Variants in KCTD19 observed in about 807,000 individuals in gnomAD.
The protein encoded by KCTD19 is potassium channel tetramerization domain containing 19.
In KCTD19, 67 loss-of-function variants were observed where a neutral mutation model predicts 103.5. That is an observed-to-expected ratio of 0.65 (90% CI 0.53 to 0.79). The LOEUF is 0.79. Ranked by LOEUF, KCTD19 falls within the 30% of genes least tolerant of loss-of-function variation. The probability of loss-of-function intolerance (pLI) is 0.00; values close to 1 mark genes in which losing one functional copy is unlikely to be tolerated. For missense variants in KCTD19, 980 were observed against 1,136.1 expected (o/e 0.86, Z 1.98); for synonymous variants, 439 against 452.2 (o/e 0.97, Z 0.37).
At chr16:67,305,585 C>G (rs2036883433) in intron 2 of KCTD19, 2 of 455,626 alleles carry the variant, frequency 4.4e-6, no homozygotes, top group Admixed American at 2.4e-5. Flanking sequence ...CCGCCCTTAC[C>G]CAGGGACCCA....
At position 67,320,890 on chromosome 16, in the gene KCTD19, AGGGGG is replaced by A. The variant is rs1442128358; in HGVS notation, c.4-10_4-6del. The stretch of plus-strand genomic sequence containing the variant: ...ATGAGCCATGCCAGACTCCTCCTAA[AGGGGG>A]AATGAAAAAGAGATCTACGCAAGAA... On this transcript the variant is annotated splice_region_variant and splice_polypyrimidine_tract_variant and intron_variant, in intron 1 of 15. Coordinates refer to ENST00000304372, the MANE Select transcript of KCTD19 (RefSeq NM_001100915.3). The surrounding 1 kb of genome is among the most constrained non-coding windows in gnomAD (Gnocchi z 4.0). 2 of 1,594,332 alleles carry A rather than the reference AGGGGG, an allele frequency of 1.3e-6. No homozygotes were observed. Among genetic ancestry groups the A allele is most frequent in the Admixed American group, 1.8e-5 (1 of 55,294 alleles).
intron 2 of KCTD19, among the ~76,000 whole-genome samples, chr16:67,314,549 C>A (rs1159988367): frequency 6.6e-6 from 1 of 151,810 alleles, no homozygotes; most frequent in Admixed American, 6.6e-5. Context: ...TAAATAGAAT[C>A]ATACAATATA....
chr16:67,304,962 C>G (rs1038913480), intron 2 of KCTD19, among the ~76,000 whole-genome samples: 1 of 152,116 alleles, frequency 6.6e-6, no homozygotes, highest in Non-Finnish European at 1.5e-5. Context: ...ACCACCGCGC[C>G]CAGCGACTTA....
At chr16:67,295,645 C>T (rs567811945) in intron 8 of KCTD19, 51 of 416,972 alleles carry the variant, frequency 1.2e-4, no homozygotes, top group African/African-American at 9.2e-4. Flanking sequence ...TTTGGAAGCC[C>T]ACCGTACCTC....
intron 1 of KCTD19, 57 bp downstream of exon 1, chr16:67,326,648 C>A: frequency 1.3e-6 from 2 of 1,559,136 alleles, no homozygotes; most frequent in South Asian, 2.3e-5. Flanking sequence ...TTGGCCACAG[C>A]GGCCCCCATT....
chr16:67,317,247 G>A (rs2037022641), intron 2 of KCTD19, among the ~76,000 whole-genome samples: 1 of 152,108 alleles, frequency 6.6e-6, no homozygotes, highest in Non-Finnish European at 1.5e-5. Flanking sequence ...TTGGGAGGCT[G>A]AGGGGCAGAT....
At chr16:67,315,742 G>A (rs1008478513) in intron 2 of KCTD19, among the ~76,000 whole-genome samples, 3 of 152,018 alleles carry the variant, frequency 2.0e-5, no homozygotes, top group Non-Finnish European at 4.4e-5. Context: ...GCCTCCCAAA[G>A]TGCTGGGATT....
At position 67,315,361 on chromosome 16, in the gene KCTD19, C is replaced by T. The variant is rs867334341; in HGVS notation, c.300+5228G>A. On this transcript the variant is annotated intron_variant, in intron 2 of 15. Coordinates refer to ENST00000304372, the MANE Select transcript of KCTD19 (RefSeq NM_001100915.3). ...CACTCTGTTGCCCAGGCTGGAGTGCCGTGGCTCAATCTCAGCTCCCTGCAA... is the reference window on the plus strand; with the variant it reads ...CACTCTGTTGCCCAGGCTGGAGTGCTGTGGCTCAATCTCAGCTCCCTGCAA... Among the ~76,000 whole-genome samples the T allele has an allele frequency of 3.3e-5, 5 of 150,284 alleles. No individual in the cohort carries two copies. The East Asian group carries it at 5.9e-4, about 18-fold the overall frequency.
Position 67,291,783 on chromosome 16 carries a change from C to T in KCTD19, c.2273G>A (p.Gly758Glu), listed in dbSNP as rs1324726629. 6.2e-7 allele frequency: 1 copy of T among 1,614,046 alleles called. No homozygotes were observed. The highest frequency in any genetic ancestry group is 8.5e-7 in the Non-Finnish European group (1 of 1,179,942). ...GGGGTGAGTCACTTTGAGGATAACC[C>T]CTAGGCTGTCCACCTCACTGGCCTC... ...LPEASEVDSL[G>E]VILKVTHPPV... The change falls in exon 13 of 16, where the codon GGG becomes GAG. Residue 758 changes from glycine to glutamate, a missense_variant. Gly to Glu is a moderately conservative substitution (Grantham distance 98). Transcript: ENST00000304372.
chr16:67,314,814 TATATATATATATATATAG>T (rs1238739656), intron 2 of KCTD19, among the ~76,000 whole-genome samples: 4 of 91,780 alleles, frequency 4.4e-5, no homozygotes, highest in East Asian at 2.9e-4. Flanking sequence ...TATATATATA[TATATATATATATATATAG>T]AGAGAGAGAG....
In KCTD19 at chr16:67,291,760, G is replaced by A. The variant is rs757265669; in HGVS notation, c.2296C>T (p.Pro766Ser). 1 of 1,614,138 alleles carries A rather than the reference G, an allele frequency of 6.2e-7. No individual in the cohort carries two copies. ...AAGCCATCGCTGCCCACCACGGGGGGGTGAGTCACTTTGAGGATAACCCCT... is the reference window on the plus strand; with the variant it reads ...AAGCCATCGCTGCCCACCACGGGGGAGTGAGTCACTTTGAGGATAACCCCT... ...SLGVILKVTHPPVVGSDGFCM... is the reference protein window; with the variant it reads ...SLGVILKVTHSPVVGSDGFCM... The change falls in exon 13 of 16, where the codon CCC (proline) becomes TCC (serine). Residue 766 changes from proline (P) to serine (S), a missense_variant. Coordinates refer to ENST00000304372, the MANE Select transcript of KCTD19 (RefSeq NM_001100915.3).
intron 2 of KCTD19, among the ~76,000 whole-genome samples, chr16:67,310,521 A>C (rs1348148298): frequency 6.6e-6 from 1 of 152,222 alleles, no homozygotes; most frequent in Non-Finnish European, 1.5e-5. Flanking sequence ...TATTGGAGAG[A>C]GGATTTCTTA....
At chr16:67,295,717 C>T in intron 8 of KCTD19, 1 of 341,074 alleles carries the variant, frequency 2.9e-6, no homozygotes, top group Non-Finnish European at 5.5e-6. Flanking sequence ...AGGGCCTTCC[C>T]AGCAGGCCAC....
At position 67,289,482 on chromosome 16, in the gene KCTD19, C is replaced by T. The variant is rs2036641287; in HGVS notation, c.*87G>A. On this transcript the variant is annotated 3_prime_UTR_variant, in exon 16 of 16. Transcript: ENST00000304372. ...TAATAAAAAATAGACTGATATGTACCCTCTGATGGGCACATGCATTCTGGG... is the reference window on the plus strand; with the variant it reads ...TAATAAAAAATAGACTGATATGTACTCTCTGATGGGCACATGCATTCTGGG... The T allele has an allele frequency of 6.6e-6, 5 of 755,062 alleles. No homozygotes were observed. The highest frequency in any genetic ancestry group is 4.6e-5 in the South Asian group (3 of 65,360). The allele number at this position is 755,062 out of a possible 1,614,324, so 46.8% of individuals were successfully genotyped here. A position where few individuals can be genotyped will look rare whatever the true frequency, so the allele number is the denominator to read the frequency against.
chr16:67,322,692 C>CA (rs1342987618), intron 1 of KCTD19, among the ~76,000 whole-genome samples: 13 of 151,610 alleles, frequency 8.6e-5, no homozygotes, highest in Non-Finnish European at 1.3e-4. Flanking sequence ...CAAAAGTGAC[C>CA]AAAAAAATAG....
chr16:67,295,429 T>C, intron 8 of KCTD19, 24 bp from the exon 9 acceptor site: 1 of 1,601,638 alleles, frequency 6.2e-7, no homozygotes. Context: ...GACACCGGAC[T>C]CAGTCTCAGA....
chr16:67,317,507 G>A (rs1046590815), intron 2 of KCTD19, among the ~76,000 whole-genome samples: 3 of 151,750 alleles, frequency 2.0e-5, no homozygotes, highest in Non-Finnish European at 2.9e-5. Flanking sequence ...AAAGAAATGT[G>A]ACAGTCTGAA....
chr16:67,312,864 G>A (rs563717268), intron 2 of KCTD19, among the ~76,000 whole-genome samples: 3 of 152,262 alleles, frequency 2.0e-5, no homozygotes, highest in African/African-American at 7.2e-5. Context: ...GGATACTGCA[G>A]GAGCCTCTTA....
chr16:67,290,291 C>T (rs2036668145), intron 15 of KCTD19, among the ~76,000 whole-genome samples: 1 of 151,184 alleles, frequency 6.6e-6, no homozygotes. Context: ...CATTCTCCTG[C>T]CTCAGCCTCC....
Sources: gnomAD v4.1 joint callset for allele counts (sites outside exome capture counted in the v4.1 genomes callset) on GRCh38, gnomAD v4.1.1 for gene constraint, Gnocchi (gnomAD v3.1) non-coding constraint, MANE v1.5 for transcripts, NCBI Gene and HGNC (gene_info 2026-07-23, HGNC 2026-07-21) for gene names.